The following ARHGAP32 variants were observed in gnomAD, a reference collection of about 807,000 sequenced individuals.
ARHGAP32 encodes the protein Rho GTPase activating protein 32, also known as rho GTPase-activating protein 32.
Under a neutral mutation model 186.5 loss-of-function variants are expected in ARHGAP32, and 51 were observed. The observed-to-expected ratio is 0.27, with a 90% CI of 0.22 to 0.35. ARHGAP32 has a LOEUF of 0.35. Ranked by LOEUF, ARHGAP32 falls within the 10% of genes least tolerant of loss-of-function variation. ARHGAP32 has a pLI of 1.00. For missense variants in ARHGAP32, 2,186 were observed against 2,623.5 expected (o/e 0.83, Z 3.64); for synonymous variants, 950 against 964.3 (o/e 0.99, Z 0.27).
chr11:129,033,869 C>G (rs1226735143), intron 11 of ARHGAP32, among the ~76,000 whole-genome samples: 1 of 152,138 alleles, frequency 6.6e-6, no homozygotes, highest in African/African-American at 2.4e-5. Flanking sequence ...CCACCTTTGT[C>G]ATAAATCAAG....
chr11:128,993,210 C>G (rs1044542210), intron 12 of ARHGAP32: 4 of 152,032 alleles, frequency 2.6e-5, no homozygotes, highest in African/African-American at 9.7e-5. Context: ...AACCATTTAG[C>G]AAAACAAAAT....
intron 11 of ARHGAP32, among the ~76,000 whole-genome samples, chr11:129,021,301 G>A (rs1480498854): frequency 6.6e-6 from 1 of 152,040 alleles, no homozygotes; most frequent in South Asian, 2.1e-4. Context: ...GAGAAAGAGA[G>A]CAGAAAATGG....
At chr11:129,223,683 T>A (rs1944742980) in intron 1 of ARHGAP32, among the ~76,000 whole-genome samples, 1 of 152,154 alleles carries the variant, frequency 6.6e-6, no homozygotes, top group South Asian at 2.1e-4. Flanking sequence ...TATTCATTTT[T>A]AAAAAACAGC....
At chr11:129,147,267 C>A (rs549010177) in intron 2 of ARHGAP32, among the ~76,000 whole-genome samples, 1 of 152,208 alleles carries the variant, frequency 6.6e-6, no homozygotes, top group South Asian at 2.1e-4. Context: ...AGTGCTTAGA[C>A]AATTCACTGT....
intron 11 of ARHGAP32, among the ~76,000 whole-genome samples, chr11:129,038,165 T>A (rs1465004571): frequency 2.6e-5 from 4 of 151,892 alleles, no homozygotes; most frequent in Non-Finnish European, 4.4e-5. Flanking sequence ...GGAATAAATC[T>A]AGGGTCAACT....
At position 128,998,449 on chromosome 11, in the gene ARHGAP32, C is replaced by T; in HGVS notation, c.1065G>A (p.Lys355=). ...TGAATGTTCGTAAGAACGTAATGAG[C>T]TTGCCGTGCTTTTTAGACACTAAAA... ...VPKPVSKKHG[K]LITFLRTFMK... is the part of the protein sequence containing the mutation. Residue 355 remains lysine, a synonymous_variant, in exon 12 of 23, where the codon AAG becomes AAA. Coordinates refer to ENST00000682385, the MANE Select transcript of ARHGAP32 (RefSeq NM_001378024.1). The T allele has an allele frequency of 6.4e-7, 1 of 1,559,300 alleles. No individual in the cohort carries two copies. Among genetic ancestry groups the T allele is most frequent in the Non-Finnish European group, 8.7e-7 (1 of 1,147,876 alleles).
intron 6 of ARHGAP32, among the ~76,000 whole-genome samples, chr11:129,067,182 A>G (rs1369256584): frequency 1.3e-5 from 2 of 152,228 alleles, no homozygotes; most frequent in African/African-American, 2.4e-5. Flanking sequence ...AATCTACCAA[A>G]AAGAAAAAAA....
At chr11:129,141,622 T>TAA (rs71472089) in intron 2 of ARHGAP32, among the ~76,000 whole-genome samples, 32 of 133,646 alleles carry the variant, frequency 2.4e-4, no homozygotes, top group South Asian at 4.6e-4. Context: ...AAAGTATAAT[T>TAA]AAAAAAAAAA....
intron 6 of ARHGAP32, among the ~76,000 whole-genome samples, chr11:129,072,760 T>C (rs780981471): frequency 2.6e-5 from 4 of 152,176 alleles, no homozygotes; most frequent in Non-Finnish European, 5.9e-5. Context: ...TTTTGTGAGC[T>C]CTACTAGGTC....
intron 1 of ARHGAP32, among the ~76,000 whole-genome samples, chr11:129,164,862 A>G (rs1165996073): frequency 6.6e-6 from 1 of 152,174 alleles, no homozygotes; most frequent in Non-Finnish European, 1.5e-5. Flanking sequence ...GCAAATAAGC[A>G]TTTTCAATGA....
chr11:129,121,598 C>A (rs558480854), intron 5 of ARHGAP32, among the ~76,000 whole-genome samples: 1 of 152,044 alleles, frequency 6.6e-6, no homozygotes, highest in Non-Finnish European at 1.5e-5. Context: ...CCTGGTCAAT[C>A]AATACAATCC....
intron 18 of ARHGAP32, among the ~76,000 whole-genome samples, chr11:128,980,303 C>T (rs1310654414): frequency 1.3e-5 from 2 of 152,098 alleles, no homozygotes; most frequent in African/African-American, 4.8e-5. Flanking sequence ...CTTATTTTTC[C>T]AAACAATTTT....
chr11:129,064,579 T>C (rs1006980264), intron 8 of ARHGAP32, among the ~76,000 whole-genome samples: 1 of 152,142 alleles, frequency 6.6e-6, no homozygotes, highest in African/African-American at 2.4e-5. Flanking sequence ...GCTGAATATA[T>C]ACATTAGTAT....
intron 1 of ARHGAP32, among the ~76,000 whole-genome samples, chr11:129,176,798 G>T (rs1426441200): frequency 6.6e-6 from 1 of 151,592 alleles, no homozygotes; most frequent in African/African-American, 2.4e-5. Context: ...TGTGTAGAGG[G>T]AAATTTATAG....
At chr11:129,157,992 G>A (rs921372661) in intron 2 of ARHGAP32, among the ~76,000 whole-genome samples, 1 of 152,090 alleles carries the variant, frequency 6.6e-6, no homozygotes, top group Non-Finnish European at 1.5e-5. Flanking sequence ...ATAAGCAAAG[G>A]AGAAATAAAA....
At chr11:129,015,689 T>A (rs182086135) in intron 11 of ARHGAP32, among the ~76,000 whole-genome samples, 61 of 152,232 alleles carry the variant, frequency 4.0e-4, no homozygotes, top group Non-Finnish European at 6.5e-4. Context: ...TCATCTGATA[T>A]CAAACTTTCT....
At chr11:129,186,285 T>G (rs559249915) in intron 1 of ARHGAP32, among the ~76,000 whole-genome samples, 56 of 152,280 alleles carry the variant, frequency 3.7e-4, no homozygotes, top group African/African-American at 1.3e-3. Flanking sequence ...TACAGATAGA[T>G]ACAAGAAAGG....
At chr11:129,099,974 C>T (rs548604380) in intron 5 of ARHGAP32, among the ~76,000 whole-genome samples, 31 of 152,272 alleles carry the variant, frequency 2.0e-4, no homozygotes, top group South Asian at 8.3e-4. Context: ...CAACAGCTCC[C>T]GGGGAAGAGG....
intron 1 of ARHGAP32, among the ~76,000 whole-genome samples, chr11:129,240,048 T>C (rs562823994): frequency 8.0e-5 from 12 of 150,140 alleles, no homozygotes; most frequent in African/African-American, 2.9e-4. Context: ...TACTTTTTCA[T>C]TTTTTTTTTC....
Sources: gnomAD v4.1 joint callset for allele counts (sites outside exome capture counted in the v4.1 genomes callset) on GRCh38, gnomAD v4.1.1 for gene constraint, MANE v1.5 for transcripts, NCBI Gene and HGNC (gene_info 2026-07-23, HGNC 2026-07-21) for gene names.